The following DEFB119 variants were observed in gnomAD, a reference collection of about 807,000 sequenced individuals.
DEFB119 encodes the protein beta-defensin 119.
DEFB119 carries 3 observed loss-of-function variants against 2.5 expected under a neutral mutation model. The ratio of observed to expected loss-of-function variants is 1.19; its 90% CI spans 0.54 to 3.07. The LOEUF (loss-of-function observed/expected upper bound fraction) is 3.07. DEFB119 is among the 30% of genes most tolerant of loss of function. The pLI, the probability that DEFB119 is intolerant of heterozygous loss-of-function variation, is 0.03. For synonymous variants in DEFB119, 29 were observed against 33.7 expected (o/e 0.86, Z 0.48); for missense variants, 113 against 101.1 (o/e 1.12, Z -0.50).
intron 1 of DEFB119, among the ~76,000 whole-genome samples, chr20:31,381,709 G>A (rs1433172924): frequency 6.6e-6 from 1 of 152,160 alleles, no homozygotes; most frequent in African/African-American, 2.4e-5. Flanking sequence ...TACTGGGGAG[G>A]CTGAGGTGGG....
chr20:31,381,668 G>A (rs188557014), intron 1 of DEFB119, among the ~76,000 whole-genome samples: 125 of 152,242 alleles, frequency 8.2e-4, no homozygotes, highest in Middle Eastern at 3.4e-3. Flanking sequence ...AAAATTAGCC[G>A]CATGTGGTGG....
intron 1 of DEFB119, among the ~76,000 whole-genome samples, chr20:31,382,079 T>C (rs879675551): frequency 6.6e-5 from 10 of 152,304 alleles, no homozygotes; most frequent in East Asian, 5.8e-4. Flanking sequence ...CTACACATGA[T>C]GAAATGGCAT....
chr20:31,388,975 G>T (rs2122317377), intron 1 of DEFB119: 2 of 1,587,090 alleles, frequency 1.3e-6, no homozygotes, highest in Non-Finnish European at 8.6e-7. Context: ...AAACAAATTT[G>T]TGAGTTTTAA....
intron 1 of DEFB119, 91 bp from the exon 2 acceptor site, chr20:31,377,530 G>T: frequency 7.3e-7 from 1 of 1,377,196 alleles, no homozygotes; most frequent in Non-Finnish European, 9.9e-7. Context: ...CCTAAAGGGG[G>T]AGCAGGGAGA....
intron 1 of DEFB119, among the ~76,000 whole-genome samples, chr20:31,383,245 T>C (rs978840026): frequency 2.6e-5 from 4 of 152,140 alleles, no homozygotes; most frequent in Non-Finnish European, 2.9e-5. Flanking sequence ...GGATAGTGAA[T>C]AAGTCTCATG....
Position 31,377,441 on chromosome 20 carries a change from T to A in DEFB119, c.62-2A>T. 1 of 1,605,518 alleles carries A rather than the reference T, an allele frequency of 6.2e-7. No homozygotes were observed. The highest frequency in any genetic ancestry group is 8.5e-7 in the Non-Finnish European group (1 of 1,176,556). On this transcript the variant is annotated splice_acceptor_variant, in intron 1 of 1. Transcript: ENST00000376321. LOFTEE classifies it high-confidence loss of function. ...TGCATCGAAGGATGTGGCGTTTGCC[T>A]GCCAAAGGAAAAAAAATACAAATAG...
chr20:31,381,637 A>C (rs2122294423), intron 1 of DEFB119, among the ~76,000 whole-genome samples: 1 of 152,104 alleles, frequency 6.6e-6, no homozygotes, highest in South Asian at 2.1e-4. Flanking sequence ...ACATGGCAAA[A>C]CCCATCTCTA....
At chr20:31,385,352 A>G (rs929619118) in intron 1 of DEFB119, among the ~76,000 whole-genome samples, 5 of 149,110 alleles carry the variant, frequency 3.4e-5, no homozygotes, top group African/African-American at 1.2e-4. Flanking sequence ...TGTATCAAAG[A>G]AACAAGACAA....
At chr20:31,380,323 C>A (rs1180646818) in intron 1 of DEFB119, among the ~76,000 whole-genome samples, 1 of 152,028 alleles carries the variant, frequency 6.6e-6, no homozygotes, top group Admixed American at 6.6e-5. Flanking sequence ...TGGAGTGCAG[C>A]GGCACAATCA....
intron 1 of DEFB119, among the ~76,000 whole-genome samples, chr20:31,382,629 C>A (rs1463980793): frequency 6.6e-6 from 1 of 152,220 alleles, no homozygotes; most frequent in Non-Finnish European, 1.5e-5. Flanking sequence ...TCCTCTGCTC[C>A]CTCCAGCCCA....
At chr20:31,381,983 G>A (rs1986522214) in intron 1 of DEFB119, among the ~76,000 whole-genome samples, 1 of 152,206 alleles carries the variant, frequency 6.6e-6, no homozygotes, top group South Asian at 2.1e-4. Context: ...AGGGAAGAGG[G>A]CTGGTATGAC....
intron 1 of DEFB119, chr20:31,378,369 GCAT>G (rs1173528989): frequency 1.6e-5 from 26 of 1,614,140 alleles, no homozygotes; most frequent in Non-Finnish European, 2.0e-5. Context: ...TATCCAGGCA[GCAT>G]CCCACTGTCC....
chr20:31,389,570 A>G (rs1224108355), intron 1 of DEFB119, among the ~76,000 whole-genome samples: 1 of 152,158 alleles, frequency 6.6e-6, no homozygotes, highest in Admixed American at 6.5e-5. Context: ...GGAAAAGGAC[A>G]TGATCACCTG....
chr20:31,385,679 C>A (rs1986669948), intron 1 of DEFB119, among the ~76,000 whole-genome samples: 1 of 152,054 alleles, frequency 6.6e-6, no homozygotes, highest in African/African-American at 2.4e-5. Flanking sequence ...GCAGACTGGG[C>A]AACATAGTAA....
intron 1 of DEFB119, among the ~76,000 whole-genome samples, chr20:31,379,526 G>A (rs369526848): frequency 2.7e-5 from 4 of 150,888 alleles, no homozygotes; most frequent in African/African-American, 7.3e-5. Flanking sequence ...AAGAAGTCTC[G>A]CTTTGTCGCC....
At chr20:31,382,494 T>C (rs954508515) in intron 1 of DEFB119, among the ~76,000 whole-genome samples, 2 of 152,202 alleles carry the variant, frequency 1.3e-5, no homozygotes, top group Non-Finnish European at 2.9e-5. Context: ...GACTGACACA[T>C]AGTAAGAACT....
At chr20:31,385,843 C>G (rs1986679429) in intron 1 of DEFB119, among the ~76,000 whole-genome samples, 1 of 151,126 alleles carries the variant, frequency 6.6e-6, no homozygotes, top group Non-Finnish European at 1.5e-5. Flanking sequence ...GCACTCCATC[C>G]TAGGCAACCA....
Position 31,390,492 on chromosome 20 carries a change from G to T in DEFB119, c.-9C>A, listed in dbSNP as rs1389152418. The T allele has an allele frequency of 9.3e-6, 15 of 1,612,894 alleles. No individual in the cohort carries two copies. The highest frequency in any genetic ancestry group is 1.3e-5 in the Non-Finnish European group (15 of 1,179,642). ...AGGTAAAGAAGTTTCATGGCTGGCA[G>T]ACCTGAGAGGAGGAGGTGGCTGAGC... On this transcript the variant is annotated 5_prime_UTR_variant, in exon 1 of 2. It adds an upstream start codon to the 5' untranslated region. Transcript: ENST00000376321.
chr20:31,388,250 C>T (rs1476347971), intron 1 of DEFB119: 1 of 985,274 alleles, frequency 1.0e-6, no homozygotes, highest in Non-Finnish European at 1.2e-6. Context: ...AGTTGGAAGG[C>T]ACACAGTTCA....
Sources: gnomAD v4.1 joint callset for allele counts (sites outside exome capture counted in the v4.1 genomes callset) on GRCh38, gnomAD v4.1.1 for gene constraint, MANE v1.5 for transcripts, NCBI Gene and HGNC (gene_info 2026-07-23, HGNC 2026-07-21) for gene names.